The following PTPRD variants were observed in gnomAD, a reference collection of about 807,000 sequenced individuals.
PTPRD encodes receptor-type tyrosine-protein phosphatase delta.
A neutral mutation model predicts 214.5 loss-of-function variants in PTPRD; 34 were observed. That is an observed-to-expected ratio of 0.16 (90% CI 0.12 to 0.21). The LOEUF (loss-of-function observed/expected upper bound fraction) is 0.21. Among genes scored for constraint, PTPRD ranks in the 10% least tolerant of loss-of-function variants. The pLI is 1.00. For missense variants in PTPRD, 2,545 were observed against 2,398.7 expected (o/e 1.06, Z -1.27); for synonymous variants, 1,128 against 845.7 (o/e 1.33, Z -5.79).
At chr9:8,805,893 G>A (rs2096667320) in intron 11 of PTPRD, among the ~76,000 whole-genome samples, 1 of 149,230 alleles carries the variant, frequency 6.7e-6, no homozygotes, top group East Asian at 2.1e-4. Flanking sequence ...TACTCAGGAG[G>A]CTGAGGCAGG....
chr9:10,455,700 T>G (rs868710327), intron 2 of PTPRD, among the ~76,000 whole-genome samples: 1 of 151,822 alleles, frequency 6.6e-6, no homozygotes, highest in African/African-American at 2.4e-5. Flanking sequence ...CAATACAATA[T>G]GTTCTCCAAA....
At chr9:8,515,730 T>C (rs1054338025) in intron 21 of PTPRD, among the ~76,000 whole-genome samples, 2 of 152,188 alleles carry the variant, frequency 1.3e-5, no homozygotes, top group African/African-American at 2.4e-5. Context: ...GCATTAAGTA[T>C]ATTTCCCTCA....
At chr9:10,396,055 C>T (rs2098164395) in intron 2 of PTPRD, among the ~76,000 whole-genome samples, 1 of 151,690 alleles carries the variant, frequency 6.6e-6, no homozygotes, top group Non-Finnish European at 1.5e-5. Flanking sequence ...TAGAACGTTC[C>T]AGTTTTCAGT....
chr9:10,096,012 T>C (rs2098480020), intron 3 of PTPRD, among the ~76,000 whole-genome samples: 1 of 151,614 alleles, frequency 6.6e-6, no homozygotes. Flanking sequence ...TATATTCCTT[T>C]GCCCTATATC....
In PTPRD at chr9:10,091,803, G is replaced by T. The variant is rs146617082; in HGVS notation, c.-544-58013C>A. 2.0e-5 allele frequency among the ~76,000 whole-genome samples: 3 copies of T among 151,238 alleles called. No homozygotes were observed. The East Asian group carries it at 5.8e-4, about 29-fold the overall frequency. ...CTCATTTTTCTTAGAAGCAAGGCAGGCATCCAGTTTATTAAAAAATAGCAT... is the reference window on the plus strand; with the variant it reads ...CTCATTTTTCTTAGAAGCAAGGCAGTCATCCAGTTTATTAAAAAATAGCAT... On this transcript the variant is annotated intron_variant, in intron 3 of 45. Transcript: ENST00000381196.
chr9:8,633,302 C>CACTTGA lies in PTPRD; in HGVS notation c.352+9_352+14dup. The CACTTGA allele has an allele frequency of 1.2e-6, 2 of 1,607,318 alleles. No individual in the cohort carries two copies. The highest frequency in any genetic ancestry group is 1.7e-4 in the Middle Eastern group (1 of 6,014). Reference sequence around the variant, plus strand: ...TAACAATGACACAAACGACAACCTTCACTTGAGCACTTACCCCGCAAAACT... The same window carrying CACTTGA: ...TAACAATGACACAAACGACAACCTTCACTTGAACTTGAGCACTTACCCCGCAAAACT... On this transcript the variant is annotated intron_variant, in intron 14 of 45. Transcript: ENST00000381196.
Position 10,364,124 on chromosome 9 carries a change from G to A in PTPRD, c.-599-23107C>T, listed in dbSNP as rs533019072. Among the ~76,000 whole-genome samples, 472 of 148,354 alleles carry A rather than the reference G, an allele frequency of 3.2e-3. 1 individual carries two copies. Among genetic ancestry groups the A allele is most frequent in the Non-Finnish European group, 5.0e-3 (340 of 67,410 alleles). On this transcript the variant is annotated intron_variant, in intron 2 of 45. Coordinates refer to ENST00000381196, the MANE Select transcript of PTPRD (RefSeq NM_002839.4). The stretch of plus-strand genomic sequence containing the variant: ...ATGCCATTCTCCTACCTCAGCCTCC[G>A]GAGTAGCTGGGACTACAGGCGCCCG...
chr9:10,132,706 G>A (rs1465126987), intron 3 of PTPRD, among the ~76,000 whole-genome samples: 2 of 152,188 alleles, frequency 1.3e-5, no homozygotes, highest in East Asian at 3.8e-4. Context: ...CAGGTAAGTG[G>A]AAGCCCATTC....
intron 43 of PTPRD, among the ~76,000 whole-genome samples, chr9:8,332,353 C>A (rs7853112): frequency 0.48 from 72,453 of 151,966 alleles, 20,566 homozygotes; most frequent in African/African-American, 0.79. Context: ...AGAGGAATAC[C>A]ATTTCTAGCC....
intron 2 of PTPRD, among the ~76,000 whole-genome samples, chr9:10,604,375 G>A (rs2208706): frequency 0.31 from 47,507 of 151,588 alleles, 7,984 homozygotes; most frequent in East Asian, 0.5. Flanking sequence ...GTGTCTTAGT[G>A]AATGTGTAAT....
chr9:10,097,859 G>A (rs546235146), intron 3 of PTPRD, among the ~76,000 whole-genome samples: 1 of 151,744 alleles, frequency 6.6e-6, no homozygotes, highest in East Asian at 2.0e-4. Context: ...CATTCAGTAT[G>A]ATATTGGCTG....
intron 8 of PTPRD, among the ~76,000 whole-genome samples, chr9:9,501,625 G>A (rs1003480074): frequency 6.6e-6 from 1 of 151,788 alleles, no homozygotes; most frequent in Non-Finnish European, 1.5e-5. Context: ...TTCCAAGTGC[G>A]TATGAAATAT....
intron 8 of PTPRD, among the ~76,000 whole-genome samples, chr9:9,462,130 T>C (rs1471696532): frequency 1.3e-5 from 2 of 152,148 alleles, no homozygotes; most frequent in Admixed American, 1.3e-4. Context: ...CGACTCACAA[T>C]AAATATCTGT....
intron 35 of PTPRD, among the ~76,000 whole-genome samples, chr9:8,423,915 A>C (rs1394416390): frequency 6.6e-6 from 1 of 152,146 alleles, no homozygotes; most frequent in African/African-American, 2.4e-5. Context: ...CTGATGAATT[A>C]TTTCTAGCCC....
At chr9:9,484,005 C>A (rs1312200150) in intron 8 of PTPRD, among the ~76,000 whole-genome samples, 1 of 151,800 alleles carries the variant, frequency 6.6e-6, no homozygotes, top group African/African-American at 2.4e-5. Flanking sequence ...TAGTATTTTA[C>A]TATCTTCTAT....
intron 9 of PTPRD, among the ~76,000 whole-genome samples, chr9:9,325,543 G>A (rs1969573343): frequency 6.6e-6 from 1 of 152,108 alleles, no homozygotes; most frequent in Admixed American, 6.6e-5. Flanking sequence ...CATTGATTTT[G>A]TATCCTGAGA....
chr9:9,688,631 G>A (rs1345374578), intron 7 of PTPRD, among the ~76,000 whole-genome samples: 1 of 151,864 alleles, frequency 6.6e-6, no homozygotes, highest in Admixed American at 6.6e-5. Context: ...GACAATGAAT[G>A]CATATGAACT....
chr9:10,224,891 T>C (rs1173258786), intron 3 of PTPRD, among the ~76,000 whole-genome samples: 1 of 152,098 alleles, frequency 6.6e-6, no homozygotes, highest in Non-Finnish European at 1.5e-5. Flanking sequence ...TTCTTTTCTC[T>C]GGTGTAACTT....
chr9:10,459,799 A>G lies in PTPRD; in HGVS notation c.-599-118782T>C, dbSNP rs573064430. Among the ~76,000 whole-genome samples the G allele has an allele frequency of 5.9e-5, 9 of 152,046 alleles. No individual in the cohort carries two copies. The East Asian group carries it at 1.5e-3, about 26-fold the overall frequency. ...AAGTTCCTTGTGGATTCTGGATATT[A>G]GCCCTTTGTCAGATGGATAGATTGC... On this transcript the variant is annotated intron_variant, in intron 2 of 45. Transcript: ENST00000381196.
Sources: allele counts gnomAD v4.1 joint callset (sites outside exome capture counted in the v4.1 genomes callset), GRCh38; gene constraint gnomAD v4.1.1; transcripts MANE v1.5; gene names NCBI Gene and HGNC (gene_info 2026-07-23, HGNC 2026-07-21).